Variants in LRRC46 observed in about 807,000 individuals in gnomAD.
LRRC46 encodes the protein leucine rich repeat containing 46.
A neutral mutation model predicts 28.0 loss-of-function variants in LRRC46; 20 were observed. The ratio of observed to expected loss-of-function variants is 0.71; its 90% CI spans 0.50 to 1.04. LRRC46 has a LOEUF of 1.04. Ranked by LOEUF, LRRC46 falls within the 50% of genes least tolerant of loss-of-function variation. LRRC46 has a pLI of 0.00. For missense variants in LRRC46, 315 were observed against 390.1 expected (o/e 0.81, Z 1.62); for synonymous variants, 156 against 158.8 (o/e 0.98, Z 0.13).
intron 4 of LRRC46, 129 bp downstream of exon 4, chr17:47,835,528 C>G: frequency 7.2e-7 from 1 of 1,383,722 alleles, no homozygotes. Context: ...TAGATCTACT[C>G]CCTCACCCCA....
rs181115262 is a variant in LRRC46 at position 47,831,772 on chromosome 17, C to T, written c.-218C>T. On this transcript the variant is annotated 5_prime_UTR_variant, in exon 1 of 8. Coordinates refer to ENST00000269025, the MANE Select transcript of LRRC46 (RefSeq NM_033413.4). ...CCCCAGCTTGCTGCCAGCAAAGCCC[C>T]TCCACACCCCTCAAACTCCAGACCC... 646 of 663,070 alleles carry T rather than the reference C, an allele frequency of 9.7e-4. 3 individuals are homozygous for T. In the African/African-American group the frequency reaches 0.011, roughly 11 times the overall value. The allele number at this position is 663,070 out of a possible 1,614,324, so 41.1% of individuals were successfully genotyped here.
chr17:47,834,579 C>T (rs2033672943), intron 3 of LRRC46, 46 bp downstream of exon 3: 18 of 1,338,060 alleles, frequency 1.3e-5, no homozygotes, highest in Non-Finnish European at 1.8e-5. Context: ...CCCTGTGGAC[C>T]TAATCTGTCT....
chr17:47,834,281 G>A (rs537912832), intron 2 of LRRC46, 144 bp from the exon 3 acceptor site: 2 of 774,134 alleles, frequency 2.6e-6, no homozygotes, highest in African/African-American at 1.8e-5. Flanking sequence ...ACCTCAAGAT[G>A]TCAAGATGTT....
chr17:47,832,752 G>A (rs913616807), intron 2 of LRRC46, among the ~76,000 whole-genome samples: 1 of 152,176 alleles, frequency 6.6e-6, no homozygotes, highest in South Asian at 2.1e-4. Context: ...TGGCCAGACT[G>A]GTCTTGAACT....
intron 5 of LRRC46, 67 bp from the exon 6 acceptor site, chr17:47,835,966 A>G (rs1208664945): frequency 1.9e-6 from 3 of 1,567,702 alleles, no homozygotes; most frequent in Non-Finnish European, 1.8e-6. Context: ...CCCCATTCCC[A>G]TCGCTTCATG....
Position 47,836,411 on chromosome 17 carries a change from GGAGGATGAA to G in LRRC46, c.533_541del (p.Glu178_Glu180del). ...TGGTGGAGCGCTGGATTTCGGATGA[GGAGGATGAA>G]GCCTCAAGCGATGAGGAGTTCCCAG... On this transcript the variant is annotated inframe_deletion, in exon 7 of 8. Coordinates refer to ENST00000269025, the MANE Select transcript of LRRC46 (RefSeq NM_033413.4). This position sits in a 1 kb window ranked among gnomAD's most constrained non-coding sequence, Gnocchi z 5.8. The G allele has an allele frequency of 6.2e-7, 1 of 1,614,160 alleles. No individual in the cohort carries two copies. The highest frequency in any genetic ancestry group is 8.5e-7 in the Non-Finnish European group (1 of 1,180,010).
intron 2 of LRRC46, among the ~76,000 whole-genome samples, chr17:47,833,222 A>G (rs1216073979): frequency 6.6e-6 from 1 of 152,100 alleles, no homozygotes; most frequent in Non-Finnish European, 1.5e-5. Context: ...TCCTCTAGGA[A>G]GCATTCCCTG....
chr17:47,837,381 C>A lies in LRRC46; in HGVS notation c.*261C>A. The A allele has an allele frequency of 2.0e-6, 1 of 495,092 alleles. No homozygotes were observed. The highest frequency in any genetic ancestry group is 3.5e-6 in the Non-Finnish European group (1 of 288,302). 30.7% of individuals were successfully genotyped at this position (495,092 alleles called of 1,614,324 possible). A position where few individuals can be genotyped will look rare whatever the true frequency, so the allele number is the denominator to read the frequency against. On this transcript the variant is annotated 3_prime_UTR_variant, in exon 8 of 8. Transcript: ENST00000269025. ...CCCACAGGGCAGGCATGCCTCAGGC[C>A]CCCGCTGGCTTCCTGGCTCCCACTT... is the stretch of plus-strand genomic sequence containing the variant.
In LRRC46 at chr17:47,836,587, A is replaced by G; in HGVS notation, c.595+112A>G. On this transcript the variant is annotated intron_variant, in intron 7 of 7. Coordinates refer to ENST00000269025, the MANE Select transcript of LRRC46 (RefSeq NM_033413.4). This position sits in a 1 kb window ranked among gnomAD's most constrained non-coding sequence, Gnocchi z 5.8. The stretch of plus-strand genomic sequence containing the variant: ...CCGGGGAGGGGAGCCCCAAGTTCAG[A>G]TCAACATCTGGGCCAGAGCCAGGTG... 1 of 1,514,116 alleles carries G rather than the reference A, an allele frequency of 6.6e-7. No individual in the cohort carries two copies. Among genetic ancestry groups the G allele is most frequent in the Non-Finnish European group, 8.9e-7 (1 of 1,125,258 alleles). 93.8% of individuals were successfully genotyped at this position (1,514,116 alleles called of 1,614,324 possible). A position where few individuals can be genotyped will look rare whatever the true frequency, so the allele number is the denominator to read the frequency against.
intron 2 of LRRC46, among the ~76,000 whole-genome samples, chr17:47,832,998 G>A (rs566580459): frequency 1.3e-5 from 2 of 152,336 alleles, no homozygotes; most frequent in East Asian, 3.9e-4. Flanking sequence ...GTGGATGGGA[G>A]GGGGTGCAGG....
intron 5 of LRRC46, 33 bp downstream of exon 5, chr17:47,835,808 C>T: frequency 6.3e-7 from 1 of 1,578,636 alleles, no homozygotes; most frequent in Non-Finnish European, 8.7e-7. Context: ...TCACCAAACA[C>T]ATCCCCTGTG....
intron 4 of LRRC46, 72 bp downstream of exon 4, chr17:47,835,471 C>G (rs1339105760): frequency 6.4e-7 from 1 of 1,567,436 alleles, no homozygotes; most frequent in African/African-American, 1.4e-5. Flanking sequence ...AGAACTGGTT[C>G]AGATTTCTCC....
chr17:47,833,451 T>A (rs1356978833), intron 2 of LRRC46, among the ~76,000 whole-genome samples: 4 of 148,148 alleles, frequency 2.7e-5, no homozygotes, highest in African/African-American at 1.0e-4. Context: ...TCTTCCTATT[T>A]TTTTTTTTTT....
At chr17:47,833,426 A>G (rs987734611) in intron 2 of LRRC46, among the ~76,000 whole-genome samples, 25 of 140,684 alleles carry the variant, frequency 1.8e-4, no homozygotes, top group African/African-American at 6.7e-4. Flanking sequence ...TCCACTTGTC[A>G]TAGATGTTTG....
At chr17:47,834,642 G>A in intron 3 of LRRC46, 109 bp downstream of exon 3, 1 of 678,430 alleles carries the variant, frequency 1.5e-6, no homozygotes, top group Non-Finnish European at 2.6e-6. Flanking sequence ...TGTTCAGGCA[G>A]GCAGACCTTC....
intron 2 of LRRC46, among the ~76,000 whole-genome samples, chr17:47,832,773 T>G (rs531918245): frequency 1.3e-4 from 20 of 152,292 alleles, no homozygotes; most frequent in African/African-American, 4.8e-4. Flanking sequence ...CCTCAAACAA[T>G]CCTCCCACTT....
Position 47,834,543 on chromosome 17 carries a change from TTCTC to T in LRRC46, c.225+11_225+14del. Reference sequence around the variant, plus strand: ...TCTCTATCTGCAAGGGGTAACTTCTTTCTCCACCCTTCCCCTCCCCTTGACCCCT... The same window carrying T: ...TCTCTATCTGCAAGGGGTAACTTCTTCACCCTTCCCCTCCCCTTGACCCCT... On this transcript the variant is annotated intron_variant, in intron 3 of 7. Transcript: ENST00000269025. 6.4e-7 allele frequency: 1 copy of T among 1,563,998 alleles called. No individual in the cohort carries two copies. Among genetic ancestry groups the T allele is most frequent in the East Asian group, 2.2e-5 (1 of 44,488 alleles).
At chr17:47,832,248 A>G in intron 2 of LRRC46, 43 bp downstream of exon 2, 2 of 1,409,310 alleles carry the variant, frequency 1.4e-6, no homozygotes, top group Non-Finnish European at 1.9e-6. Flanking sequence ...AGGCTGAAAC[A>G]CTCAGGATGA....
chr17:47,835,165 A>G (rs1176706648), intron 3 of LRRC46, 188 bp from the exon 4 acceptor site: 3 of 692,192 alleles, frequency 4.3e-6, no homozygotes, highest in African/African-American at 3.5e-5. Flanking sequence ...ACCCTTAACC[A>G]TCCACATGGG....
Sources: gnomAD v4.1 joint callset for allele counts (sites outside exome capture counted in the v4.1 genomes callset) on GRCh38, gnomAD v4.1.1 for gene constraint, Gnocchi (gnomAD v3.1) non-coding constraint, MANE v1.5 for transcripts, NCBI Gene and HGNC (gene_info 2026-07-23, HGNC 2026-07-21) for gene names.